Variants in N4BP2 observed in about 807,000 individuals in gnomAD.
The protein encoded by N4BP2 is NEDD4 binding protein 2, also known as NEDD4-binding protein 2.
In N4BP2, 91 loss-of-function variants were observed where a neutral mutation model predicts 152.8. The observed-to-expected ratio is 0.60, with a 90% confidence interval of 0.50 to 0.71. The LOEUF is 0.71. Ranked by LOEUF, N4BP2 falls within the 30% of genes least tolerant of loss-of-function variation. The pLI, the probability that N4BP2 is intolerant of heterozygous loss-of-function variation, is 0.00. For synonymous variants in N4BP2, 646 were observed against 705.3 expected (o/e 0.92, Z 1.33); for missense variants, 1,923 against 2,059.1 (o/e 0.93, Z 1.28).
At chr4:40,119,302 G>T (rs1183843317) in intron 8 of N4BP2, among the ~76,000 whole-genome samples, 1 of 151,676 alleles carries the variant, frequency 6.6e-6, no homozygotes, top group Admixed American at 6.6e-5. Context: ...GAGCACTCCT[G>T]AAGTTAAAAA....
At chr4:40,143,258 A>C (rs977303768) in intron 15 of N4BP2, among the ~76,000 whole-genome samples, 12 of 152,164 alleles carry the variant, frequency 7.9e-5, no homozygotes, top group Admixed American at 7.2e-4. Flanking sequence ...TTTTTTTGGG[A>C]AGTAAAATTT....
At chr4:40,060,720 A>T (rs1018242297) in intron 1 of N4BP2, among the ~76,000 whole-genome samples, 1 of 151,606 alleles carries the variant, frequency 6.6e-6, no homozygotes, top group African/African-American at 2.4e-5. Context: ...CTCTTGCAAC[A>T]GCCTCCCGAG....
At position 40,121,146 on chromosome 4, in the gene N4BP2, G is replaced by A; in HGVS notation, c.3035G>A (p.Gly1012Asp). The A allele has an allele frequency of 6.2e-7, 1 of 1,614,078 alleles. No homozygotes were observed. The highest frequency in any genetic ancestry group is 8.5e-7 in the Non-Finnish European group (1 of 1,180,026). Residue 1012 changes from glycine (G) to aspartate (D), a missense_variant, in exon 9 of 18, where the codon GGC becomes GAC. Gly to Asp is a moderately conservative substitution (Grantham distance 94, BLOSUM62 -1). Coordinates refer to ENST00000261435, the MANE Select transcript of N4BP2 (RefSeq NM_018177.6). Reference sequence around the variant, plus strand: ...AAGAGAGACCCTGGAAAAGAAGTAGGCATGTGCACCCAGACTGAACCACAG... The same window carrying A: ...AAGAGAGACCCTGGAAAAGAAGTAGACATGTGCACCCAGACTGAACCACAG... ...MPKRDPGKEV[G>D]MCTQTEPQDF... is the part of the protein sequence containing the mutation.
intron 1 of N4BP2, among the ~76,000 whole-genome samples, chr4:40,069,984 G>A (rs1711984939): frequency 6.6e-6 from 1 of 152,028 alleles, no homozygotes; most frequent in Non-Finnish European, 1.5e-5. Flanking sequence ...TTCTTTTAGT[G>A]GATTAAATAT....
chr4:40,100,245 C>T (rs1046494155), intron 3 of N4BP2: 20 of 318,024 alleles, frequency 6.3e-5, no homozygotes, highest in Non-Finnish European at 9.1e-5. Flanking sequence ...TGACTCCAGA[C>T]CAGAGCTGTT....
chr4:40,122,338 T>C, intron 9 of N4BP2, 29 bp downstream of exon 9: 2 of 1,423,344 alleles, frequency 1.4e-6, no homozygotes, highest in Non-Finnish European at 1.9e-6. Context: ...ACCATGTGTG[T>C]GTCTTTGTGT....
intron 2 of N4BP2, among the ~76,000 whole-genome samples, chr4:40,095,596 A>G (rs1715037260): frequency 6.6e-6 from 1 of 152,206 alleles, no homozygotes; most frequent in South Asian, 2.1e-4. Context: ...GCTATGATAC[A>G]AATTTAATTA....
intron 16 of N4BP2, among the ~76,000 whole-genome samples, chr4:40,147,463 G>C (rs542774239): frequency 6.6e-6 from 1 of 151,210 alleles, no homozygotes; most frequent in East Asian, 2.0e-4. Flanking sequence ...CGGGCAGAGG[G>C]GCTCCTCACT....
intron 2 of N4BP2, among the ~76,000 whole-genome samples, chr4:40,093,913 TTAG>T (rs1305354163): frequency 2.0e-5 from 3 of 152,008 alleles, no homozygotes. Context: ...TTTTGTACTT[TTAG>T]TAGAGATGGG....
chr4:40,144,863 T>A (rs1720365700), intron 16 of N4BP2, 63 bp downstream of exon 16: 14 of 1,379,696 alleles, frequency 1.0e-5, no homozygotes, highest in Non-Finnish European at 1.4e-5. Flanking sequence ...TTGGTATAGC[T>A]TGCAAATTCA....
intron 3 of N4BP2, among the ~76,000 whole-genome samples, chr4:40,098,063 C>G (rs1715265099): frequency 1.3e-5 from 2 of 152,140 alleles, no homozygotes; most frequent in African/African-American, 2.4e-5. Context: ...AATGTAAGCT[C>G]CATAAAGACA....
In N4BP2 at chr4:40,155,834, A is replaced by G. The variant is rs1304069593; in HGVS notation, c.*1597A>G. On this transcript the variant is annotated 3_prime_UTR_variant, in exon 18 of 18. Coordinates refer to ENST00000261435, the MANE Select transcript of N4BP2 (RefSeq NM_018177.6). The stretch of plus-strand genomic sequence containing the variant: ...TAAAACCCCAAAACATTTTTTTTAT[A>G]TATCATGATTGCATGCTTTTAAAAT... The G allele has an allele frequency of 2.6e-5, 4 of 152,194 alleles. No individual in the cohort carries two copies. Among genetic ancestry groups the G allele is most frequent in the African/African-American group, 7.2e-5 (3 of 41,468 alleles). 9.4% of individuals were successfully genotyped at this position (152,194 alleles called of 1,614,324 possible).
intron 2 of N4BP2, among the ~76,000 whole-genome samples, chr4:40,082,342 A>G (rs1294942312): frequency 6.6e-6 from 1 of 151,800 alleles, no homozygotes. Context: ...AATTTCCATT[A>G]TGTCAATCTA....
chr4:40,109,902 G>A (rs184305800), intron 5 of N4BP2, among the ~76,000 whole-genome samples: 51 of 152,254 alleles, frequency 3.3e-4, no homozygotes, highest in Admixed American at 3.2e-3. Context: ...CTGTGCATTC[G>A]TTAATACACT....
In N4BP2 at chr4:40,126,217, T is replaced by C; in HGVS notation, c.4414T>C (p.Leu1472=). The change falls in exon 12 of 18, where the codon TTA becomes CTA. Residue 1472 remains leucine, a synonymous_variant. Coordinates refer to ENST00000261435, the MANE Select transcript of N4BP2 (RefSeq NM_018177.6). ...AACAGGCAAAAAATTACTGAAGACT[T>C]TAACAGCATCTGAAATGCTACCTTT... is the stretch of plus-strand genomic sequence containing the variant. The part of the protein sequence containing the change: ...QRTGKKLLKT[L]TASEMLPLLD... 6.2e-7 allele frequency: 1 copy of C among 1,609,702 alleles called. No homozygotes were observed. Among genetic ancestry groups the C allele is most frequent in the East Asian group, 2.2e-5 (1 of 44,526 alleles).
At chr4:40,108,840 C>G (rs1043569105) in intron 5 of N4BP2, among the ~76,000 whole-genome samples, 1 of 147,176 alleles carries the variant, frequency 6.8e-6, no homozygotes, top group Non-Finnish European at 1.5e-5. Flanking sequence ...TTTTTGGAGA[C>G]AGAGTCCTGC....
chr4:40,057,928 T>A (rs1733350549), intron 1 of N4BP2, among the ~76,000 whole-genome samples: 1 of 152,196 alleles, frequency 6.6e-6, no homozygotes, highest in South Asian at 2.1e-4. Flanking sequence ...ATTCTCGCCA[T>A]GCAGTGGTTG....
At chr4:40,112,282 G>A (rs1008461345) in intron 6 of N4BP2, 110 bp downstream of exon 6, 1 of 658,194 alleles carries the variant, frequency 1.5e-6, no homozygotes, top group African/African-American at 1.9e-5. Flanking sequence ...ACCTTGGATA[G>A]TCTGTAAATG....
chr4:40,178,923 T>C, the N4BP2 span, among the ~76,000 whole-genome samples: 102 of 152,282 alleles, frequency 6.7e-4, 1 homozygote, highest in East Asian at 0.018. Flanking sequence ...TTCTATTTGA[T>C]TTGCAGTGTG....
Sources: allele counts gnomAD v4.1 joint callset (sites outside exome capture counted in the v4.1 genomes callset), GRCh38; gene constraint gnomAD v4.1.1; transcripts MANE v1.5; gene names NCBI Gene and HGNC (gene_info 2026-07-23, HGNC 2026-07-21).